KIAA1958: variants seen among roughly 807,000 people sequenced by gnomAD.
KIAA1958 encodes KIAA1958, also known as uncharacterized protein KIAA1958.
In KIAA1958, 14 loss-of-function variants were observed where a neutral mutation model predicts 47.2. That is an observed-to-expected ratio of 0.30 (90% CI 0.20 to 0.46). The LOEUF (loss-of-function observed/expected upper bound fraction) is 0.46. Ranked by LOEUF, KIAA1958 falls within the 20% of genes least tolerant of loss-of-function variation. The probability of loss-of-function intolerance (pLI) is 1.00; values close to 1 mark genes in which losing one functional copy is unlikely to be tolerated. For missense variants in KIAA1958, 803 were observed against 909.2 expected (o/e 0.88, Z 1.50); for synonymous variants, 354 against 353.3 (o/e 1.00, Z -0.02).
At chr9:112,540,716 T>G (rs1834926196) in intron 1 of KIAA1958, among the ~76,000 whole-genome samples, 1 of 151,518 alleles carries the variant, frequency 6.6e-6, no homozygotes. Context: ...TTTTCTTTCC[T>G]TTTTGTTTTT....
At chr9:112,528,030 A>G (rs1482960722) in intron 1 of KIAA1958, among the ~76,000 whole-genome samples, 1 of 152,020 alleles carries the variant, frequency 6.6e-6, no homozygotes, top group Non-Finnish European at 1.5e-5. Context: ...TCTTCTAAAC[A>G]GTTGTCAGCT....
intron 2 of KIAA1958, among the ~76,000 whole-genome samples, chr9:112,580,778 C>A (rs539183437): frequency 1.3e-5 from 1 of 79,116 alleles, no homozygotes; most frequent in East Asian, 3.2e-4. Context: ...CAGAGCGAGA[C>A]TCCATCTCAA....
At chr9:112,494,891 C>G (rs138090438) in intron 1 of KIAA1958, among the ~76,000 whole-genome samples, 89 of 152,226 alleles carry the variant, frequency 5.8e-4, no homozygotes, top group Non-Finnish European at 1.0e-3. Context: ...TGGCAAGATT[C>G]ATTTTTTAGT....
intron 3 of KIAA1958, 57 bp downstream of exon 3, chr9:112,645,879 A>G (rs778299257): frequency 2.0e-6 from 3 of 1,517,626 alleles, no homozygotes; most frequent in Non-Finnish European, 2.7e-6. Flanking sequence ...TCCAAATGCC[A>G]GGCACTGTGC....
rs151253485 is a variant in KIAA1958 at position 112,502,519 on chromosome 9, C to G, written c.-25+15401C>G. Among the ~76,000 whole-genome samples, 87 of 152,330 alleles carry G rather than the reference C, an allele frequency of 5.7e-4. 1 individual carries two copies. The highest frequency in any genetic ancestry group is 2.1e-3 in the African/African-American group (87 of 41,568). On this transcript the variant is annotated intron_variant, in intron 1 of 3. Coordinates refer to ENST00000337530, the MANE Select transcript of KIAA1958 (RefSeq NM_133465.4). ...CAGTTTATACTTGCACTGGCACCAG[C>G]CCTGTGTAAATGTTCCAGTTGCCCT...
chr9:112,600,899 A>G (rs973400215), intron 2 of KIAA1958, among the ~76,000 whole-genome samples: 5 of 152,162 alleles, frequency 3.3e-5, no homozygotes, highest in Non-Finnish European at 7.4e-5. Context: ...ATTGTATTTG[A>G]TCTTCATACA....
rs1170736622 is a variant in KIAA1958, at chr9:112,661,247, T to G, written c.*1178T>G. ...ATGTAGTTATAAAATTAGCGCATAATGGTAGGTAATGCAGTTTGAAACCAT... is the reference window on the plus strand; with the variant it reads ...ATGTAGTTATAAAATTAGCGCATAAGGGTAGGTAATGCAGTTTGAAACCAT... On this transcript the variant is annotated 3_prime_UTR_variant, in exon 4 of 4. Transcript: ENST00000337530. The G allele has an allele frequency of 2.6e-5, 4 of 152,206 alleles. No homozygotes were observed. Among genetic ancestry groups the G allele is most frequent in the Non-Finnish European group, 5.9e-5 (4 of 68,034 alleles). 9.4% of individuals were successfully genotyped at this position (152,206 alleles called of 1,614,324 possible). A position where few individuals can be genotyped will look rare whatever the true frequency, so the allele number is the denominator to read the frequency against.
chr9:112,561,008 G>GT (rs1008093270), intron 1 of KIAA1958, among the ~76,000 whole-genome samples: 3 of 151,488 alleles, frequency 2.0e-5, no homozygotes, highest in Non-Finnish European at 4.4e-5. Flanking sequence ...AATGGAACAG[G>GT]TTTTTATGGT....
At position 112,618,441 on chromosome 9, in the gene KIAA1958, A is replaced by G; in HGVS notation, c.1172-27209A>G. The G allele has an allele frequency of 6.4e-7, 1 of 1,551,194 alleles. No homozygotes were observed. Among genetic ancestry groups the G allele is most frequent in the Non-Finnish European group, 8.7e-7 (1 of 1,147,128 alleles). On this transcript the variant is annotated intron_variant, in intron 2 of 3. Coordinates refer to ENST00000337530, the MANE Select transcript of KIAA1958 (RefSeq NM_133465.4). This position sits in a 1 kb window ranked among gnomAD's most constrained non-coding sequence, Gnocchi z 7.1. The stretch of plus-strand genomic sequence containing the variant: ...CGGGTAACAGAGACGGGTCTCGAGT[A>G]CTTGGAGTGGATGGGTCAGGACACT...
rs1352397423 is a variant in KIAA1958 at position 112,653,237 on chromosome 9, A to G, written c.1345-6026A>G. ...AGAAAAAAGCATTCTTGGCAGAGGA[A>G]GTAGCATGAAAAGGTCTTATGGTTT... On this transcript the variant is annotated intron_variant, in intron 3 of 3. Coordinates refer to ENST00000337530, the MANE Select transcript of KIAA1958 (RefSeq NM_133465.4). Among the ~76,000 whole-genome samples the G allele has an allele frequency of 2.0e-5, 3 of 152,232 alleles. 1 individual carries two copies. Among genetic ancestry groups the G allele is most frequent in the Admixed American group, 1.3e-4 (2 of 15,284 alleles).
At chr9:112,633,879 G>A (rs1028496950) in intron 2 of KIAA1958, among the ~76,000 whole-genome samples, 3 of 152,052 alleles carry the variant, frequency 2.0e-5, no homozygotes, top group Admixed American at 2.0e-4. Context: ...TGTTTATGGG[G>A]TCCTAGGGTT....
chr9:112,513,036 G>T (rs1587995445), intron 1 of KIAA1958, among the ~76,000 whole-genome samples: 1 of 115,544 alleles, frequency 8.7e-6, no homozygotes, highest in Admixed American at 9.8e-5. Context: ...ATGGAGTCTT[G>T]CTCTGTCACC....
chr9:112,666,567 T>G lies in KIAA1958; in HGVS notation c.*6498T>G, dbSNP rs540014540. 2.0e-5 allele frequency: 3 copies of G among 152,274 alleles called. No individual in the cohort carries two copies. Among genetic ancestry groups the G allele is most frequent in the South Asian group, 2.1e-4 (1 of 4,824 alleles). The allele number at this position is 152,274 out of a possible 1,614,324, so 9.4% of individuals were successfully genotyped here. A position where few individuals can be genotyped will look rare whatever the true frequency, so the allele number is the denominator to read the frequency against. On this transcript the variant is annotated 3_prime_UTR_variant, in exon 4 of 4. Transcript: ENST00000337530. ...GGCTCACAGAAGACCCTAGTGAGCTTCTTGTACCTTCCCAGAAAAACCCAG... is the reference window on the plus strand; with the variant it reads ...GGCTCACAGAAGACCCTAGTGAGCTGCTTGTACCTTCCCAGAAAAACCCAG...
At chr9:112,612,955 A>C (rs915079301) in intron 2 of KIAA1958, among the ~76,000 whole-genome samples, 2 of 152,230 alleles carry the variant, frequency 1.3e-5, no homozygotes, top group Non-Finnish European at 2.9e-5. Context: ...AGGCAACTGT[A>C]TACATAATGA....
At chr9:112,527,253 T>C (rs1014843334) in intron 1 of KIAA1958, among the ~76,000 whole-genome samples, 1 of 152,056 alleles carries the variant, frequency 6.6e-6, no homozygotes. Context: ...GATACTGTAG[T>C]GGAGAGTAAT....
chr9:112,508,352 TATTCAC>T (rs1192388652), intron 1 of KIAA1958, among the ~76,000 whole-genome samples: 1 of 152,240 alleles, frequency 6.6e-6, no homozygotes, highest in Non-Finnish European at 1.5e-5. Context: ...CTTACTGGTG[TATTCAC>T]AAAGGCAGTC....
chr9:112,622,133 A>C lies in KIAA1958; in HGVS notation c.1172-23517A>C, dbSNP rs573592265. 7.9e-5 allele frequency among the ~76,000 whole-genome samples: 12 copies of C among 152,246 alleles called. 1 individual carries two copies. In the South Asian group the frequency reaches 2.5e-3, roughly 32 times the overall value. ...TGCCATTTTTATTATTTGGAATATT[A>C]ACTTAAGAAAAAATCATGTTCATGC... On this transcript the variant is annotated intron_variant, in intron 2 of 3. Transcript: ENST00000337530.
chr9:112,584,747 T>G (rs1031395722), intron 2 of KIAA1958, among the ~76,000 whole-genome samples: 1 of 152,236 alleles, frequency 6.6e-6, no homozygotes, highest in African/African-American at 2.4e-5. Context: ...GGTTATTTCC[T>G]TTATTTTACT....
At chr9:112,518,252 T>C (rs538843091) in intron 1 of KIAA1958, among the ~76,000 whole-genome samples, 11 of 152,318 alleles carry the variant, frequency 7.2e-5, no homozygotes, top group African/African-American at 2.4e-4. Context: ...TGTATATGTA[T>C]GAAGACTTGT....
Sources: allele counts gnomAD v4.1 joint callset (sites outside exome capture counted in the v4.1 genomes callset), GRCh38; gene constraint gnomAD v4.1.1; non-coding constraint Gnocchi (gnomAD v3.1); transcripts MANE v1.5; gene names NCBI Gene and HGNC (gene_info 2026-07-23, HGNC 2026-07-21).